The following FHIT variants were observed in gnomAD, a reference collection of about 807,000 sequenced individuals.
The protein encoded by FHIT is fragile histidine triad diadenosine triphosphatase.
FHIT carries 19 observed loss-of-function variants against 17.9 expected under a neutral mutation model. That is an observed-to-expected ratio of 1.06 (90% confidence interval 0.74 to 1.56). The LOEUF (loss-of-function observed/expected upper bound fraction) is 1.56, where lower values mean the gene tolerates loss of function less well. Among genes scored for constraint, FHIT ranks in the 40% most tolerant of loss-of-function variants. The probability of loss-of-function intolerance (pLI) is 0.00; values close to 1 mark genes in which losing one functional copy is unlikely to be tolerated. For synonymous variants in FHIT, 81 were observed against 69.7 expected (o/e 1.16, Z -0.81); for missense variants, 248 against 189.2 (o/e 1.31, Z -1.82).
At chr3:61,171,985 G>A (rs535566770) in intron 2 of FHIT, among the ~76,000 whole-genome samples, 2 of 152,124 alleles carry the variant, frequency 1.3e-5, no homozygotes, top group Non-Finnish European at 2.9e-5. Context: ...AGAGATGGAC[G>A]GGGGAAAAGA....
At chr3:61,039,096 T>C (rs1002578700) in intron 3 of FHIT, among the ~76,000 whole-genome samples, 2 of 152,080 alleles carry the variant, frequency 1.3e-5, no homozygotes, top group African/African-American at 4.8e-5. Context: ...AAAGTAAAGA[T>C]TATATGAGGA....
chr3:60,520,801 G>A (rs900858348), intron 5 of FHIT, among the ~76,000 whole-genome samples: 1 of 151,942 alleles, frequency 6.6e-6, no homozygotes, highest in Non-Finnish European at 1.5e-5. Flanking sequence ...TAAACCCCCT[G>A]AGGGTTTAAT....
chr3:60,791,999 C>T (rs1011765875), intron 4 of FHIT, among the ~76,000 whole-genome samples: 6 of 152,180 alleles, frequency 3.9e-5, no homozygotes, highest in Admixed American at 2.6e-4. Context: ...TAGTTACTAA[C>T]AAGTTAGTTC....
rs537352967 is a variant in FHIT at position 60,867,490 on chromosome 3, C to G, written c.-110-45479G>C. Reference sequence around the variant, plus strand: ...CTGTGAGCTGAATTGATCAGGGCAGCCTTTATGCAGGAACAAAGTCTTCAG... The same window carrying G: ...CTGTGAGCTGAATTGATCAGGGCAGGCTTTATGCAGGAACAAAGTCTTCAG... On this transcript the variant is annotated intron_variant, in intron 3 of 9. Coordinates refer to ENST00000492590, the MANE Select transcript of FHIT (RefSeq NM_002012.4). Among the ~76,000 whole-genome samples, 9 of 152,236 alleles carry G rather than the reference C, an allele frequency of 5.9e-5. No homozygotes were observed. In the East Asian group the frequency reaches 9.7e-4, roughly 16 times the overall value.
At chr3:60,184,938 T>C (rs1304833888) in intron 5 of FHIT, among the ~76,000 whole-genome samples, 1 of 152,216 alleles carries the variant, frequency 6.6e-6, no homozygotes, top group Non-Finnish European at 1.5e-5. Context: ...TTGGCTCCTA[T>C]GTCCCTTTAA....
intron 3 of FHIT, among the ~76,000 whole-genome samples, chr3:60,951,847 G>T (rs549815383): frequency 2.1e-4 from 32 of 152,268 alleles, no homozygotes; most frequent in African/African-American, 7.5e-4. Flanking sequence ...TAAAGGGAAA[G>T]GTCTCTTTGA....
chr3:60,332,923 C>A (rs777729583), intron 5 of FHIT, among the ~76,000 whole-genome samples: 3 of 152,158 alleles, frequency 2.0e-5, no homozygotes, highest in Non-Finnish European at 2.9e-5. Context: ...CTCCTAGACA[C>A]CACTTAACGA....
chr3:60,406,275 A>C (rs1701853997), intron 5 of FHIT, among the ~76,000 whole-genome samples: 1 of 152,222 alleles, frequency 6.6e-6, no homozygotes, highest in Non-Finnish European at 1.5e-5. Context: ...ACAATAAATT[A>C]AATTCCTTTT....
chr3:60,085,354 GT>G (rs1703452021), intron 5 of FHIT, among the ~76,000 whole-genome samples: 2 of 151,896 alleles, frequency 1.3e-5, no homozygotes, highest in African/African-American at 2.4e-5. Context: ...CTTTGCTTGG[GT>G]TTTTTTCCAT....
intron 2 of FHIT, among the ~76,000 whole-genome samples, chr3:61,127,288 A>T (rs1576064883): frequency 6.6e-6 from 1 of 152,284 alleles, no homozygotes; most frequent in East Asian, 1.9e-4. Flanking sequence ...TGGATGTAAG[A>T]CTAGACACTG....
chr3:59,953,535 A>G (rs980564888), intron 7 of FHIT, among the ~76,000 whole-genome samples: 8 of 152,170 alleles, frequency 5.3e-5, no homozygotes, highest in African/African-American at 1.9e-4. Context: ...TTGCAGACAT[A>G]TCTTTAGCAA....
rs544789021 is a variant in FHIT at position 59,841,188 on chromosome 3, A to G, written c.348+81158T>C. On this transcript the variant is annotated intron_variant, in intron 8 of 9. Coordinates refer to ENST00000492590, the MANE Select transcript of FHIT (RefSeq NM_002012.4). Reference sequence around the variant, plus strand: ...GATGATCTTGCCTGGGTTACCTGTCATTCTGGAAGATCACAGCTGTATGCT... The same window carrying G: ...GATGATCTTGCCTGGGTTACCTGTCGTTCTGGAAGATCACAGCTGTATGCT... Among the ~76,000 whole-genome samples the G allele has an allele frequency of 2.8e-4, 42 of 152,312 alleles. 1 individual carries two copies. In the South Asian group the frequency reaches 8.5e-3, roughly 31 times the overall value.
intron 5 of FHIT, among the ~76,000 whole-genome samples, chr3:60,019,176 C>T (rs1210283524): frequency 1.3e-5 from 2 of 152,138 alleles, no homozygotes; most frequent in Non-Finnish European, 2.9e-5. Context: ...GATGCAGAAT[C>T]TCTGAATTTG....
At chr3:60,536,813 T>G in intron 5 of FHIT, 47 bp downstream of exon 5, 2 of 1,555,128 alleles carry the variant, frequency 1.3e-6, no homozygotes, top group Non-Finnish European at 1.7e-6. Flanking sequence ...CTGGTTAGGC[T>G]CAGAAGACTT....
intron 8 of FHIT, among the ~76,000 whole-genome samples, chr3:59,778,079 G>C (rs1169908034): frequency 3.9e-5 from 6 of 152,136 alleles, no homozygotes; most frequent in African/African-American, 7.2e-5. Context: ...TCTCCTACTA[G>C]AGTAATCTCT....
intron 4 of FHIT, among the ~76,000 whole-genome samples, chr3:60,805,073 G>T (rs1553733538): frequency 6.6e-6 from 1 of 152,210 alleles, no homozygotes; most frequent in African/African-American, 2.4e-5. Context: ...CTGCATAAAT[G>T]AGTAGCTTTA....
intron 4 of FHIT, among the ~76,000 whole-genome samples, chr3:60,713,794 GC>G (rs2041606549): frequency 6.6e-6 from 1 of 151,830 alleles, no homozygotes; most frequent in African/African-American, 2.4e-5. Flanking sequence ...ATAATCAATA[GC>G]TTACCAACCA....
intron 3 of FHIT, among the ~76,000 whole-genome samples, chr3:61,005,691 A>G (rs2031399321): frequency 6.6e-6 from 1 of 152,112 alleles, no homozygotes; most frequent in African/African-American, 2.4e-5. Context: ...GGCCACTATG[A>G]ATTTCGGTTT....
At chr3:60,214,018 T>C (rs1703579137) in intron 5 of FHIT, among the ~76,000 whole-genome samples, 2 of 152,134 alleles carry the variant, frequency 1.3e-5, no homozygotes, top group Admixed American at 1.3e-4. Context: ...ATAGGTGTCA[T>C]GCAGAATAAT....
Sources: allele counts gnomAD v4.1 joint callset (sites outside exome capture counted in the v4.1 genomes callset), GRCh38; gene constraint gnomAD v4.1.1; transcripts MANE v1.5; gene names NCBI Gene and HGNC (gene_info 2026-07-23, HGNC 2026-07-21).